The following NRDE2 variants were observed in gnomAD, a reference collection of about 807,000 sequenced individuals.
NRDE2 encodes the protein nuclear exosome regulator NRDE2.
A neutral mutation model predicts 124.2 loss-of-function variants in NRDE2; 76 were observed. The ratio of observed to expected loss-of-function variants is 0.61; its 90% CI spans 0.51 to 0.74. The LOEUF is 0.74. Ranked by LOEUF, NRDE2 falls within the 30% of genes least tolerant of loss-of-function variation. The probability of loss-of-function intolerance (pLI) is 0.00; values close to 1 mark genes in which losing one functional copy is unlikely to be tolerated. For missense variants in NRDE2, 1,314 were observed against 1,417.3 expected (o/e 0.93, Z 1.17); for synonymous variants, 489 against 528.1 (o/e 0.93, Z 1.01).
At chr14:90,287,645 A>C (rs1182250521) in intron 11 of NRDE2, among the ~76,000 whole-genome samples, 1 of 151,982 alleles carries the variant, frequency 6.6e-6, no homozygotes, top group East Asian at 1.9e-4. Context: ...AAAAAAGAAA[A>C]TATCGTATCA....
intron 7 of NRDE2, among the ~76,000 whole-genome samples, chr14:90,299,609 AG>A (rs968413506): frequency 6.6e-6 from 1 of 152,206 alleles, no homozygotes; most frequent in African/African-American, 2.4e-5. Context: ...ATGGGCCATG[AG>A]CCACAGGATT....
chr14:90,269,030 A>G lies in NRDE2; in HGVS notation c.*9306T>C, dbSNP rs542250850. 5 of 167,598 alleles carry G rather than the reference A, an allele frequency of 3.0e-5. No individual in the cohort carries two copies. The South Asian group carries it at 8.9e-4, about 30-fold the overall frequency. The allele number at this position is 167,598 out of a possible 1,614,324, so 10.4% of individuals were successfully genotyped here. On this transcript the variant is annotated 3_prime_UTR_variant, in exon 14 of 14. Transcript: ENST00000354366. ...TCAGGGGACAAACAAAAGAGCAAAAAGGGCCTACACTAGTTCCCTGCAGCA... is the reference window on the plus strand; with the variant it reads ...TCAGGGGACAAACAAAAGAGCAAAAGGGGCCTACACTAGTTCCCTGCAGCA...
intron 13 of NRDE2, 104 bp downstream of exon 13, chr14:90,278,958 G>A (rs955243285): frequency 1.4e-5 from 11 of 806,750 alleles, no homozygotes; most frequent in Non-Finnish European, 2.4e-5. Context: ...TCCATGAGCC[G>A]AGCATCCCCG....
rs916950693 is a variant in NRDE2, at chr14:90,273,790, T to C, written c.*4546A>G. On this transcript the variant is annotated 3_prime_UTR_variant, in exon 14 of 14. Coordinates refer to ENST00000354366, the MANE Select transcript of NRDE2 (RefSeq NM_017970.4). ...TCCTTGCTGGCTGCCAGCTGAGGCC[T>C]TTGCCAGTCTGTGAAGGCCACCCTC... 5 of 154,610 alleles carry C rather than the reference T, an allele frequency of 3.2e-5. No individual in the cohort carries two copies. Among genetic ancestry groups the C allele is most frequent in the African/African-American group, 1.2e-4 (5 of 41,496 alleles). The allele number at this position is 154,610 out of a possible 1,614,324, so 9.6% of individuals were successfully genotyped here.
Position 90,286,495 on chromosome 14 carries a change from G to A in NRDE2, c.3159-3C>T. 1.9e-6 allele frequency: 3 copies of A among 1,608,442 alleles called. No individual in the cohort carries two copies. The highest frequency in any genetic ancestry group is 2.5e-6 in the Non-Finnish European group (3 of 1,178,500). The stretch of plus-strand genomic sequence containing the variant: ...CGTGGATCTCTCTACCGTCTAACCT[G>A]CAAGGCAAAGGCTCACGTGACTCTG... On this transcript the variant is annotated splice_region_variant and splice_polypyrimidine_tract_variant and intron_variant, in intron 11 of 13. Coordinates refer to ENST00000354366, the MANE Select transcript of NRDE2 (RefSeq NM_017970.4).
chr14:90,306,505 A>C (rs1414960370), intron 4 of NRDE2, among the ~76,000 whole-genome samples: 1 of 152,222 alleles, frequency 6.6e-6, no homozygotes, highest in African/African-American at 2.4e-5. Context: ...CAAAGGTGTG[A>C]TGAGATAAAA....
At chr14:90,330,807 C>CA (rs56298487) in intron 1 of NRDE2, among the ~76,000 whole-genome samples, 5,005 of 123,086 alleles carry the variant, frequency 0.041, 305 homozygotes, top group African/African-American at 0.14. Flanking sequence ...GACCCTGTCT[C>CA]AAAAAAAAAA....
chr14:90,302,213 G>GTGAT (rs1884429424), intron 6 of NRDE2, among the ~76,000 whole-genome samples: 1 of 152,182 alleles, frequency 6.6e-6, no homozygotes, highest in Non-Finnish European at 1.5e-5. Context: ...AAGGTCAAAA[G>GTGAT]TGATACTCTC....
chr14:90,269,255 C>A lies in NRDE2; in HGVS notation c.*9081G>T. On this transcript the variant is annotated 3_prime_UTR_variant, in exon 14 of 14. Transcript: ENST00000354366. ...CAAGGGGTGCTGAATTTATTTTTTC[C>A]GAGCATAATTGAGGGAGTGCCATGT... 1 of 700,364 alleles carries A rather than the reference C, an allele frequency of 1.4e-6. No individual in the cohort carries two copies. The highest frequency in any genetic ancestry group is 2.3e-6 in the Non-Finnish European group (1 of 431,638). The allele number at this position is 700,364 out of a possible 1,614,324, so 43.4% of individuals were successfully genotyped here.
rs1892313345 is a variant in NRDE2 at position 90,292,939 on chromosome 14, G to A, written c.1667-67C>T. The A allele has an allele frequency of 2.0e-6, 3 of 1,482,226 alleles. No individual in the cohort carries two copies. In the South Asian group the frequency reaches 3.6e-5, roughly 18 times the overall value. The allele number at this position is 1,482,226 out of a possible 1,614,324, so 91.8% of individuals were successfully genotyped here. ...ACCACCATCGCCACTCAATCAGCCT[G>A]CTATGTCAGGGACTGTTGGGCACCC... On this transcript the variant is annotated intron_variant, in intron 8 of 13. Transcript: ENST00000354366.
intron 11 of NRDE2, among the ~76,000 whole-genome samples, chr14:90,287,062 A>AAAAG (rs1555359508): frequency 2.0e-5 from 3 of 150,012 alleles, no homozygotes; most frequent in South Asian, 2.1e-4. Flanking sequence ...AAAAAAAAAA[A>AAAAG]AGAGAAAGAA....
intron 8 of NRDE2, 47 bp from the exon 9 acceptor site, chr14:90,292,919 C>T: frequency 6.4e-7 from 1 of 1,557,492 alleles, no homozygotes; most frequent in South Asian, 1.1e-5. Flanking sequence ...ATAAAACCAC[C>T]ATCGCCACTC....
At chr14:90,307,491 C>T (rs1299092620) in intron 4 of NRDE2, among the ~76,000 whole-genome samples, 5 of 152,036 alleles carry the variant, frequency 3.3e-5, no homozygotes, top group African/African-American at 1.2e-4. Flanking sequence ...TTTGAGAGGC[C>T]GAGGTGGGTG....
chr14:90,307,985 C>T (rs1223131089), intron 4 of NRDE2, among the ~76,000 whole-genome samples: 1 of 152,134 alleles, frequency 6.6e-6, no homozygotes, highest in Non-Finnish European at 1.5e-5. Flanking sequence ...TGGCCTGAAG[C>T]GATCCTCCTG....
intron 8 of NRDE2, among the ~76,000 whole-genome samples, chr14:90,295,519 C>A (rs1293570223): frequency 6.6e-6 from 1 of 152,076 alleles, no homozygotes; most frequent in Non-Finnish European, 1.5e-5. Flanking sequence ...AGAGAAATTA[C>A]CTTTGTGAGT....
chr14:90,326,621 A>G (rs1885450520), intron 1 of NRDE2, among the ~76,000 whole-genome samples: 1 of 152,170 alleles, frequency 6.6e-6, no homozygotes, highest in Non-Finnish European at 1.5e-5. Flanking sequence ...GGAAAGTGAC[A>G]GGTTGGAGAA....
intron 2 of NRDE2, 80 bp downstream of exon 2, chr14:90,317,925 T>G (rs1337815249): frequency 1.0e-6 from 1 of 989,358 alleles, no homozygotes; most frequent in African/African-American, 1.6e-5. Context: ...TTATTAGAGT[T>G]TTCTAAGGAG....
Position 90,292,793 on chromosome 14 carries a change from A to G in NRDE2, c.1746T>C (p.Ala582=). 1 of 1,614,232 alleles carries G rather than the reference A, an allele frequency of 6.2e-7. No homozygotes were observed. The highest frequency in any genetic ancestry group is 8.5e-7 in the Non-Finnish European group (1 of 1,180,028). ...KTLPRWQIWL[A]AERSRDQRHW... ...GCCTCTGGTCACGGGAACGCTCAGC[A>G]GCAAGCCAGATCTGCCACCTGGGCA... Residue 582 remains alanine, a synonymous_variant, in exon 9 of 14, where the codon GCT becomes GCC. Coordinates refer to ENST00000354366, the MANE Select transcript of NRDE2 (RefSeq NM_017970.4).
intron 9 of NRDE2, among the ~76,000 whole-genome samples, chr14:90,292,363 C>T (rs1892293530): frequency 6.6e-6 from 1 of 152,140 alleles, no homozygotes; most frequent in African/African-American, 2.4e-5. Flanking sequence ...CTGTATGTAT[C>T]CCACAGGGCT....
Sources: gnomAD v4.1 joint callset for allele counts (sites outside exome capture counted in the v4.1 genomes callset) on GRCh38, gnomAD v4.1.1 for gene constraint, MANE v1.5 for transcripts, NCBI Gene and HGNC (gene_info 2026-07-23, HGNC 2026-07-21) for gene names.